The following COL4A5 variants were observed in gnomAD, a reference collection of about 807,000 sequenced individuals.
COL4A5 encodes collagen alpha-5(IV) chain.
Under a neutral mutation model 130.2 loss-of-function variants are expected in COL4A5, and 26 were observed. The observed-to-expected ratio is 0.20, with a 90% CI of 0.15 to 0.28. COL4A5 has a LOEUF of 0.28. Among genes scored for constraint, COL4A5 ranks in the 10% least tolerant of loss-of-function variants. The pLI is 1.00. For missense variants in COL4A5, 1,131 were observed against 1,344.3 expected (o/e 0.84, Z 2.48); for synonymous variants, 496 against 439.6 (o/e 1.13, Z -1.60).
intron 1 of COL4A5, among the ~76,000 whole-genome samples, chrX:108,458,232 G>C (rs1240587325): frequency 1.8e-5 from 2 of 111,629 alleles, no homozygotes; most frequent in Non-Finnish European, 3.8e-5. Flanking sequence ...TTATTTTTGT[G>C]TGGTGTTTGG....
chrX:108,663,717 C>T (rs2147949097), intron 37 of COL4A5, among the ~76,000 whole-genome samples: 1 of 107,457 alleles, frequency 9.3e-6, no homozygotes, highest in Admixed American at 9.9e-5. Context: ...CCTGCACATC[C>T]TGCATACGTA....
chrX:108,562,449 A>G (rs2065911001), intron 3 of COL4A5, among the ~76,000 whole-genome samples: 1 of 112,120 alleles, frequency 8.9e-6, no homozygotes, highest in African/African-American at 3.2e-5. Flanking sequence ...CCTAAATTAG[A>G]ATTCCTTTGA....
intron 2 of COL4A5, among the ~76,000 whole-genome samples, chrX:108,552,722 C>G (rs754500525): frequency 6.2e-4 from 69 of 111,885 alleles, no homozygotes; most frequent in Non-Finnish European, 1.2e-3. Flanking sequence ...CCCAATTTAT[C>G]TATAGATTCA....
At chrX:108,595,446 C>G in intron 21 of COL4A5, 63 bp from the exon 22 acceptor site, 4 of 999,072 alleles carry the variant, frequency 4.0e-6, no homozygotes, top group Non-Finnish European at 5.7e-6. Flanking sequence ...TTTTTAGAAC[C>G]TATCTATAGA....
At chrX:108,612,190 G>A (rs901732411) in intron 29 of COL4A5, among the ~76,000 whole-genome samples, 1 of 111,393 alleles carries the variant, frequency 9.0e-6, no homozygotes, top group African/African-American at 3.2e-5. Flanking sequence ...ATTATGTTTA[G>A]TGGTGAAAGA....
intron 1 of COL4A5, among the ~76,000 whole-genome samples, chrX:108,493,419 T>C (rs1353273815): frequency 2.7e-5 from 3 of 111,993 alleles, no homozygotes; most frequent in Non-Finnish European, 3.8e-5. Flanking sequence ...CTCAGGTAGT[T>C]GTCATTTAGG....
intron 21 of COL4A5, among the ~76,000 whole-genome samples, chrX:108,594,823 TA>T (rs893838207): frequency 9.1e-6 from 1 of 110,466 alleles, no homozygotes; most frequent in African/African-American, 3.3e-5. Flanking sequence ...TTTTTTCCTA[TA>T]AAAATAATAT....
At chrX:108,557,575 G>A (rs936823464) in intron 2 of COL4A5, among the ~76,000 whole-genome samples, 1 of 111,406 alleles carries the variant, frequency 9.0e-6, no homozygotes, top group Non-Finnish European at 1.9e-5. Context: ...TTTATTATAG[G>A]ATGTTTGTTG....
rs368668357 is a variant in COL4A5, at chrX:108,643,651, G to A, written c.3247-11680G>A. Among the ~76,000 whole-genome samples, 218 of 111,453 alleles carry A rather than the reference G, an allele frequency of 2.0e-3. 1 individual carries two copies. Among genetic ancestry groups the A allele is most frequent in the Middle Eastern group, 4.7e-3 (1 of 215 alleles). Reference sequence around the variant, plus strand: ...ATTAAGGAAAGATACAGTTGTTTTCGCACAAACAAATGCTGAGAGAATTCG... The same window carrying A: ...ATTAAGGAAAGATACAGTTGTTTTCACACAAACAAATGCTGAGAGAATTCG... On this transcript the variant is annotated intron_variant, in intron 36 of 52. Coordinates refer to ENST00000328300, the MANE Select transcript of COL4A5 (RefSeq NM_033380.3).
chrX:108,545,851 A>G (rs1389007821), intron 2 of COL4A5, among the ~76,000 whole-genome samples: 2 of 110,796 alleles, frequency 1.8e-5, no homozygotes, highest in Non-Finnish European at 3.8e-5. Flanking sequence ...TGATCCCTTT[A>G]CCATTATGTA....
chrX:108,440,428 T>A, intron 1 of COL4A5: 1 of 406,209 alleles, frequency 2.5e-6, no homozygotes, highest in Non-Finnish European at 4.3e-6. Context: ...GCTGCTTGCT[T>A]CCCTGCAGCT....
chrX:108,452,246 A>T (rs2064524236), intron 1 of COL4A5, among the ~76,000 whole-genome samples: 1 of 111,853 alleles, frequency 8.9e-6, no homozygotes. Flanking sequence ...TATAGTTTGA[A>T]GTCAGGTAGC....
Position 108,525,663 on chromosome X carries a change from T to G in COL4A5, c.82-14083T>G, listed in dbSNP as rs1057009042. On this transcript the variant is annotated intron_variant, in intron 1 of 52. Transcript: ENST00000328300. ...ATGATTTTATTTAATGTATTTTTAT[T>G]TGTTTTTCTTAATGGTTGCTTACCA... Among the ~76,000 whole-genome samples, 3 of 111,690 alleles carry G rather than the reference T, an allele frequency of 2.7e-5. No individual in the cohort carries two copies. In the East Asian group the frequency reaches 8.4e-4, roughly 31 times the overall value.
chrX:108,548,886 C>G (rs184654464), intron 2 of COL4A5, among the ~76,000 whole-genome samples: 132 of 111,176 alleles, frequency 1.2e-3, no homozygotes, highest in African/African-American at 3.8e-3. Flanking sequence ...TTAAAATATA[C>G]TTCAAAAATA....
chrX:108,615,065 A>G (rs374042026), intron 30 of COL4A5, 41 bp downstream of exon 30: 189 of 948,909 alleles, frequency 2.0e-4, no homozygotes, highest in Non-Finnish European at 2.6e-4. Flanking sequence ...CACTCATAAT[A>G]TATACATTTG....
chrX:108,540,693 T>G (rs1366103562), intron 2 of COL4A5, among the ~76,000 whole-genome samples: 1 of 111,882 alleles, frequency 8.9e-6, no homozygotes, highest in Non-Finnish European at 1.9e-5. Flanking sequence ...TCAAGTGATC[T>G]GCCCACCTTG....
At chrX:108,580,932 CCTAA>C in intron 15 of COL4A5, 47 bp from the exon 16 acceptor site, 1 of 1,125,290 alleles carries the variant, frequency 8.9e-7, no homozygotes, top group Non-Finnish European at 1.2e-6. Context: ...CTTTATGCTT[CCTAA>C]CTAACAAATG....
chrX:108,449,268 G>T (rs1228081939), intron 1 of COL4A5, among the ~76,000 whole-genome samples: 1 of 112,024 alleles, frequency 8.9e-6, no homozygotes, highest in Non-Finnish European at 1.9e-5. Context: ...GGAAGAAACA[G>T]TTTCTATTTC....
At chrX:108,440,509 GTA>G in intron 1 of COL4A5, 2 of 299,210 alleles carry the variant, frequency 6.7e-6, no homozygotes, top group Non-Finnish European at 5.8e-6. Flanking sequence ...GCTGTGGTGG[GTA>G]TTTAAAACTT....
Sources: gnomAD v4.1 joint callset for allele counts (sites outside exome capture counted in the v4.1 genomes callset) on GRCh38, gnomAD v4.1.1 for gene constraint, MANE v1.5 for transcripts, NCBI Gene and HGNC (gene_info 2026-07-23, HGNC 2026-07-21) for gene names.